ZER1: variants seen among roughly 807,000 people sequenced by gnomAD.
ZER1 encodes the protein protein zer-1 homolog.
A neutral mutation model predicts 78.8 loss-of-function variants in ZER1; 11 were observed. The ratio of observed to expected loss-of-function variants is 0.14; its 90% CI spans 0.09 to 0.23. The LOEUF (loss-of-function observed/expected upper bound fraction) is 0.23, where lower values mean the gene tolerates loss of function less well. ZER1 is among the 10% of genes least tolerant of loss of function. ZER1 has a pLI of 1.00. For missense variants in ZER1, 588 were observed against 996.9 expected (o/e 0.59, Z 5.52); for synonymous variants, 400 against 407.0 (o/e 0.98, Z 0.21).
chr9:128,757,385 G>A (rs888439312), intron 1 of ZER1, among the ~76,000 whole-genome samples: 1 of 152,034 alleles, frequency 6.6e-6, no homozygotes, highest in African/African-American at 2.4e-5. Flanking sequence ...AGCTGGGCAC[G>A]GTGCCATGTG....
In ZER1 at chr9:128,751,828, C is replaced by T. The variant is rs1464220723; in HGVS notation, c.924-301G>A. On this transcript the variant is annotated intron_variant, in intron 5 of 15. Transcript: ENST00000291900. The surrounding 1 kb of genome is among the most constrained non-coding windows in gnomAD (Gnocchi z 5.4). ...AACAATCACAAAGGGACAAGCTCAA[C>T]TGAACACCATTAAAGCAGGCTGGGG... Among the ~76,000 whole-genome samples, 1 of 152,244 alleles carries T rather than the reference C, an allele frequency of 6.6e-6. No individual in the cohort carries two copies. Among genetic ancestry groups the T allele is most frequent in the Non-Finnish European group, 1.5e-5 (1 of 68,052 alleles).
intron 1 of ZER1, among the ~76,000 whole-genome samples, chr9:128,759,915 T>C (rs952147167): frequency 6.6e-6 from 1 of 152,260 alleles, no homozygotes; most frequent in African/African-American, 2.4e-5. Flanking sequence ...AGTCTCATAC[T>C]GTTGCCCAGG....
At position 128,731,280 on chromosome 9, in the gene ZER1, G is replaced by A; in HGVS notation, c.*57C>T. On this transcript the variant is annotated 3_prime_UTR_variant, in exon 16 of 16. Transcript: ENST00000291900. ...GGGGCCCGCCCGCTGGGCTGCTTGAGCATGCTTCCTCCCCGCCTGTGGTCC... is the reference window on the plus strand; with the variant it reads ...GGGGCCCGCCCGCTGGGCTGCTTGAACATGCTTCCTCCCCGCCTGTGGTCC... 2.5e-6 allele frequency: 4 copies of A among 1,581,044 alleles called. No homozygotes were observed. Among genetic ancestry groups the A allele is most frequent in the Non-Finnish European group, 2.6e-6 (3 of 1,155,340 alleles).
rs969391704 is a variant in ZER1, at chr9:128,754,378, T to C, written c.159-419A>G. ...ACAGGACAAGCCCTTAATGAAGCCC[T>C]GTTGAGACATCAGCTCATGCAAGAA... On this transcript the variant is annotated intron_variant, in intron 2 of 15. Transcript: ENST00000291900. This position sits in a 1 kb window ranked among gnomAD's most constrained non-coding sequence, Gnocchi z 4.3. 6.6e-6 allele frequency among the ~76,000 whole-genome samples: 1 copy of C among 152,018 alleles called. No homozygotes were observed. The highest frequency in any genetic ancestry group is 1.5e-5 in the Non-Finnish European group (1 of 67,868).
Position 128,753,604 on chromosome 9 carries a change from G to A in ZER1, c.310-4C>T. 1 of 1,612,200 alleles carries A rather than the reference G, an allele frequency of 6.2e-7. No homozygotes were observed. Among genetic ancestry groups the A allele is most frequent in the East Asian group, 2.2e-5 (1 of 44,854 alleles). ...TCAGGTACAGCTCCACCAGGTCCTG[G>A]GAGTGGGCACAGCTCCATCATCATC... On this transcript the variant is annotated splice_region_variant and splice_polypyrimidine_tract_variant and intron_variant, in intron 3 of 15. Coordinates refer to ENST00000291900, the MANE Select transcript of ZER1 (RefSeq NM_006336.4). This position sits in a 1 kb window ranked among gnomAD's most constrained non-coding sequence, Gnocchi z 7.5.
At chr9:128,741,902 A>C in intron 9 of ZER1, 61 bp from the exon 10 acceptor site, 1 of 1,609,044 alleles carries the variant, frequency 6.2e-7, no homozygotes, top group Non-Finnish European at 8.5e-7. Context: ...ACCCCCACGA[A>C]CCCAAGATGG....
At position 128,750,676 on chromosome 9, in the gene ZER1, C is replaced by A. The variant is rs202247358; in HGVS notation, c.1299G>T (p.Lys433Asn). Reference protein sequence around the residue: ...NSEYRSEQSVKLRRQVIQVVL... With the variant: ...NSEYRSEQSVNLRRQVIQVVL... The stretch of plus-strand genomic sequence containing the variant: ...CCACCTGGATAACCTGCCGGCGCAG[C>A]TTCACACTCTGCTCTGAGCGGTACT... Residue 433 changes from lysine (K) to asparagine (N), a missense_variant, in exon 8 of 16, where the codon AAG (lysine) becomes AAT (asparagine). By Grantham distance (94) the Lys-to-Asn change is moderately conservative. Coordinates refer to ENST00000291900, the MANE Select transcript of ZER1 (RefSeq NM_006336.4). 2 of 1,614,128 alleles carry A rather than the reference C, an allele frequency of 1.2e-6. No individual in the cohort carries two copies. The highest frequency in any genetic ancestry group is 2.7e-5 in the African/African-American group (2 of 74,934).
rs1440832098 is a variant in ZER1, at chr9:128,755,625, C to T, written c.-60G>A. Reference sequence around the variant, plus strand: ...GGATCCCCAGGGGCAACAGTGATTCCTGAATACTCACAGGATCATTGGCAG... The same window carrying T: ...GGATCCCCAGGGGCAACAGTGATTCTTGAATACTCACAGGATCATTGGCAG... On this transcript the variant is annotated 5_prime_UTR_variant, in exon 2 of 16. Coordinates refer to ENST00000291900, the MANE Select transcript of ZER1 (RefSeq NM_006336.4). The surrounding 1 kb of genome is among the most constrained non-coding windows in gnomAD (Gnocchi z 5.6). 3.2e-6 allele frequency: 5 copies of T among 1,581,342 alleles called. No homozygotes were observed. In the East Asian group the frequency reaches 1.1e-4, roughly 36 times the overall value.
intron 1 of ZER1, among the ~76,000 whole-genome samples, chr9:128,757,294 A>G (rs1863888265): frequency 6.6e-6 from 1 of 152,134 alleles, no homozygotes; most frequent in African/African-American, 2.4e-5. Context: ...AGAGGTGGGC[A>G]AATTGCTTGA....
chr9:128,771,897 A>AGCCGCC lies in ZER1; in HGVS notation c.-417_-412dup, dbSNP rs1291587407. ...CCGGCTCCTACGGCTCGGAGCCTGCAGCCGCCGCCGCCTCCGCTGTCAACA... is the reference window on the plus strand; with the variant it reads ...CCGGCTCCTACGGCTCGGAGCCTGCAGCCGCCGCCGCCGCCGCCTCCGCTGTCAACA... On this transcript the variant is annotated 5_prime_UTR_variant, in exon 1 of 16. Transcript: ENST00000291900. 1 of 152,144 alleles carries AGCCGCC rather than the reference A, an allele frequency of 6.6e-6. No individual in the cohort carries two copies. Among genetic ancestry groups the AGCCGCC allele is most frequent in the Non-Finnish European group, 1.5e-5 (1 of 68,126 alleles). 9.4% of individuals were successfully genotyped at this position (152,144 alleles called of 1,614,324 possible). A position where few individuals can be genotyped will look rare whatever the true frequency, so the allele number is the denominator to read the frequency against.
intron 13 of ZER1, among the ~76,000 whole-genome samples, chr9:128,736,922 T>C (rs970452071): frequency 6.6e-6 from 1 of 151,978 alleles, no homozygotes; most frequent in African/African-American, 2.4e-5. Context: ...GGGGGGTGGA[T>C]TGCCTGAGCT....
In ZER1 at chr9:128,763,593, G is replaced by A. The variant is rs562957401; in HGVS notation, c.-94-7934C>T. ...TACAGGGCCCATAAGCGCCTGTCGC[G>A]TAACTGGGACCAGTGTCTTGCAGGA... On this transcript the variant is annotated intron_variant, in intron 1 of 15. Transcript: ENST00000291900. Among the ~76,000 whole-genome samples the A allele has an allele frequency of 6.6e-5, 10 of 152,342 alleles. 1 individual carries two copies. In the East Asian group the frequency reaches 7.7e-4, roughly 12 times the overall value.
intron 1 of ZER1, among the ~76,000 whole-genome samples, chr9:128,765,052 G>A (rs1589547946): frequency 6.6e-6 from 1 of 152,118 alleles, no homozygotes; most frequent in African/African-American, 2.4e-5. Context: ...TTACTCCCTC[G>A]AGTCTCTTAC....
At chr9:128,749,968 G>A (rs552570292) in intron 8 of ZER1, among the ~76,000 whole-genome samples, 6 of 152,180 alleles carry the variant, frequency 3.9e-5, no homozygotes, top group Admixed American at 6.5e-5. Flanking sequence ...ACTTGAACCC[G>A]GGAGGTGGAA....
In ZER1 at chr9:128,740,515, G is replaced by C. The variant is rs1420257366; in HGVS notation, c.1853+257C>G. ...GAATGGCGTGAACCCGGGAGGCAGA[G>C]CTTGCAGTGAGCCTAGATTGTGCCA... is the stretch of plus-strand genomic sequence containing the variant. On this transcript the variant is annotated intron_variant, in intron 12 of 15. Coordinates refer to ENST00000291900, the MANE Select transcript of ZER1 (RefSeq NM_006336.4). This position sits in a 1 kb window ranked among gnomAD's most constrained non-coding sequence, Gnocchi z 4.4. Among the ~76,000 whole-genome samples the C allele has an allele frequency of 6.6e-6, 1 of 151,708 alleles. No homozygotes were observed. The highest frequency in any genetic ancestry group is 1.5e-5 in the Non-Finnish European group (1 of 67,986).
rs754390516 is a variant in ZER1 at position 128,740,739 on chromosome 9, A to C, written c.1853+33T>G. The C allele has an allele frequency of 1.3e-5, 10 of 778,960 alleles. No individual in the cohort carries two copies. The African/African-American group carries it at 1.7e-4, about 13-fold the overall frequency. 48.3% of individuals were successfully genotyped at this position (778,960 alleles called of 1,614,324 possible). ...TAGAGCTCTGAGCATTGTGGCAGCT[A>C]AGGCAAAAAGGGAAAGGATTAAAAA... is the stretch of plus-strand genomic sequence containing the variant. On this transcript the variant is annotated intron_variant, in intron 12 of 15. Transcript: ENST00000291900. This position sits in a 1 kb window ranked among gnomAD's most constrained non-coding sequence, Gnocchi z 4.4.
In ZER1 at chr9:128,740,014, C is replaced by A; in HGVS notation, c.1959G>T (p.Glu653Asp). The A allele has an allele frequency of 6.2e-7, 1 of 1,614,110 alleles. No individual in the cohort carries two copies. Among genetic ancestry groups the A allele is most frequent in the Non-Finnish European group, 8.5e-7 (1 of 1,179,984 alleles). ...FDGPEAWGVC[E>D]PQREEVEERM... ...GTTCCTCCACCTCCTCACGCTGGGGCTCACAGACGCCCCAGGCCTCGGGTC... is the reference window on the plus strand; with the variant it reads ...GTTCCTCCACCTCCTCACGCTGGGGATCACAGACGCCCCAGGCCTCGGGTC... Residue 653 changes from glutamate to aspartate, a missense_variant, in exon 13 of 16, where the codon GAG becomes GAT. Physicochemically the swap from Glu to Asp is conservative, Grantham distance 45 (BLOSUM62 2). This residue lies in a region of ZER1 where 122 missense variants were observed against 173.5 expected (regional missense o/e 0.70). Coordinates refer to ENST00000291900, the MANE Select transcript of ZER1 (RefSeq NM_006336.4). This position sits in a 1 kb window ranked among gnomAD's most constrained non-coding sequence, Gnocchi z 4.4.
intron 1 of ZER1, among the ~76,000 whole-genome samples, chr9:128,757,350 C>T (rs1213399881): frequency 6.6e-6 from 1 of 151,980 alleles, no homozygotes; most frequent in Admixed American, 6.6e-5. Flanking sequence ...GAAACCCTGT[C>T]TCTACAAAAA....
At chr9:128,737,000 T>G (rs537342811) in intron 13 of ZER1, among the ~76,000 whole-genome samples, 21 of 151,928 alleles carry the variant, frequency 1.4e-4, no homozygotes, top group Non-Finnish European at 2.6e-4. Flanking sequence ...AAAAATTAGT[T>G]GAGCATGGTA....
Sources: allele counts gnomAD v4.1 joint callset (sites outside exome capture counted in the v4.1 genomes callset), GRCh38; gene constraint gnomAD v4.1.1; regional missense constraint gnomAD v4.1.1; non-coding constraint Gnocchi (gnomAD v3.1); transcripts MANE v1.5; gene names NCBI Gene and HGNC (gene_info 2026-07-23, HGNC 2026-07-21).